TYW5: variants seen among roughly 807,000 people sequenced by gnomAD.
TYW5 encodes the protein tRNA-yW synthesizing protein 5, also known as tRNA wybutosine-synthesizing protein 5.
A neutral mutation model predicts 44.4 loss-of-function variants in TYW5; 36 were observed. The ratio of observed to expected loss-of-function variants is 0.81; its 90% CI spans 0.62 to 1.07. The LOEUF is 1.07. Ranked by LOEUF, TYW5 falls within the 50% of genes least tolerant of loss-of-function variation. TYW5 has a pLI of 0.00. For synonymous variants in TYW5, 121 were observed against 128.1 expected (o/e 0.94, Z 0.37); for missense variants, 354 against 365.7 (o/e 0.97, Z 0.26).
At chr2:199,938,104 G>A (rs1384868564) in intron 5 of TYW5, among the ~76,000 whole-genome samples, 5 of 149,978 alleles carry the variant, frequency 3.3e-5, no homozygotes, top group African/African-American at 4.9e-5. Flanking sequence ...TCGTTCTGTC[G>A]CCCAGGCTGG....
intron 7 of TYW5, among the ~76,000 whole-genome samples, chr2:199,934,323 T>TA (rs1328496124): frequency 6.6e-6 from 1 of 151,976 alleles, no homozygotes; most frequent in Non-Finnish European, 1.5e-5. Context: ...TGCTTTTGTT[T>TA]AAAAATATAT....
Position 199,929,431 on chromosome 2 carries a change from G to A in TYW5, c.*3636C>T, listed in dbSNP as rs570254271. On this transcript the variant is annotated 3_prime_UTR_variant, in exon 8 of 8. Coordinates refer to ENST00000354611, the MANE Select transcript of TYW5 (RefSeq NM_001039693.3). ...GAAACAAGACTAAGGTAACACCAGA[G>A]ATGTGTGGGTGACTGCCAATCTATG... 3.8e-4 allele frequency among the ~76,000 whole-genome samples: 58 copies of A among 152,176 alleles called. No individual in the cohort carries two copies. The highest frequency in any genetic ancestry group is 8.1e-4 in the Non-Finnish European group (55 of 67,986).
In TYW5 at chr2:199,948,364, C is replaced by T; in HGVS notation, c.187G>A (p.Ala63Thr). Residue 63 changes from alanine (A) to threonine (T), a missense_variant, in exon 2 of 8, where the codon GCT becomes ACT. Coordinates refer to ENST00000354611, the MANE Select transcript of TYW5 (RefSeq NM_001039693.3). ...GGKKEVKIHV[A>T]AVAQMDFISK... ...ATGAAGTCCATCTGTGCAACTGCAG[C>T]AACATGAATCTTTACTTCTTTCTTC... 6.2e-7 allele frequency: 1 copy of T among 1,614,146 alleles called. No individual in the cohort carries two copies. Among genetic ancestry groups the T allele is most frequent in the Non-Finnish European group, 8.5e-7 (1 of 1,180,016 alleles).
intron 1 of TYW5, among the ~76,000 whole-genome samples, chr2:199,949,906 T>C (rs148821676): frequency 7.2e-4 from 110 of 152,358 alleles, no homozygotes; most frequent in African/African-American, 2.5e-3. Context: ...ATAATTTTGA[T>C]ACCCAAATTA....
intron 1 of TYW5, among the ~76,000 whole-genome samples, chr2:199,954,815 G>A (rs2077581201): frequency 1.3e-5 from 2 of 152,202 alleles, no homozygotes; most frequent in African/African-American, 4.8e-5. Context: ...CTGACTTACT[G>A]TAATCCTGTG....
intron 7 of TYW5, among the ~76,000 whole-genome samples, chr2:199,935,105 AATAT>A (rs1371268661): frequency 6.6e-6 from 1 of 152,086 alleles, no homozygotes; most frequent in Non-Finnish European, 1.5e-5. Context: ...TCTTTTCCCA[AATAT>A]AAAGTGTCTT....
chr2:199,945,698 A>G (rs2077498914), intron 2 of TYW5: 1 of 152,184 alleles, frequency 6.6e-6, no homozygotes, highest in African/African-American at 2.4e-5. Context: ...TAGCTTTCTT[A>G]CCAGGAATAA....
In TYW5 at chr2:199,936,438, T is replaced by C; in HGVS notation, c.541A>G (p.Ser181Gly). The C allele has an allele frequency of 1.2e-6, 2 of 1,613,396 alleles. No individual in the cohort carries two copies. The highest frequency in any genetic ancestry group is 8.5e-7 in the Non-Finnish European group (1 of 1,179,726). Residue 181 changes from serine (S) to glycine (G), a missense_variant, in exon 6 of 8, where the codon AGT becomes GGT. Transcript: ENST00000354611. ...VTGKKRVVLF[S>G]PRDAQYLYLK... ...TATAAATACTGGGCATCTCGAGGACTGAAGAGTACAACACGCTTTTTTCCT... is the reference window on the plus strand; with the variant it reads ...TATAAATACTGGGCATCTCGAGGACCGAAGAGTACAACACGCTTTTTTCCT...
rs541717672 is a variant in TYW5 at position 199,931,463 on chromosome 2, A to G, written c.*1604T>C. The G allele has an allele frequency of 6.6e-6, 1 of 152,344 alleles. No individual in the cohort carries two copies. The highest frequency in any genetic ancestry group is 2.1e-4 in the South Asian group (1 of 4,830). The allele number at this position is 152,344 out of a possible 1,614,324, so 9.4% of individuals were successfully genotyped here. A position where few individuals can be genotyped will look rare whatever the true frequency, so the allele number is the denominator to read the frequency against. ...ATTTATTAAAAACTGACCATAAATA[A>G]TGTGTAAACTAAGGAGAGTTTTGTC... On this transcript the variant is annotated 3_prime_UTR_variant, in exon 8 of 8. Coordinates refer to ENST00000354611, the MANE Select transcript of TYW5 (RefSeq NM_001039693.3).
At chr2:199,949,199 TA>T (rs917128905) in intron 1 of TYW5, among the ~76,000 whole-genome samples, 6 of 147,878 alleles carry the variant, frequency 4.1e-5, no homozygotes, top group African/African-American at 5.0e-5. Context: ...TACTAAAAAT[TA>T]AAAAAAAAAT....
At chr2:199,940,550 G>A (rs1324379913) in intron 3 of TYW5, among the ~76,000 whole-genome samples, 2 of 151,704 alleles carry the variant, frequency 1.3e-5, no homozygotes, top group Admixed American at 1.3e-4. Flanking sequence ...GGCTGAGGCT[G>A]CAGTGAGCTA....
chr2:199,933,397 T>C (rs2077395743), intron 7 of TYW5, 74 bp from the exon 8 acceptor site: 17 of 1,298,724 alleles, frequency 1.3e-5, no homozygotes, highest in Non-Finnish European at 1.7e-5. Flanking sequence ...CAGTGAAATA[T>C]CACGAATTGC....
At position 199,935,873 on chromosome 2, in the gene TYW5, A is replaced by T. The variant is rs542871667; in HGVS notation, c.691+58T>A. The T allele has an allele frequency of 2.7e-5, 30 of 1,094,708 alleles. 1 individual carries two copies. Among genetic ancestry groups the T allele is most frequent in the Admixed American group, 2.7e-4 (13 of 48,314 alleles). 67.8% of individuals were successfully genotyped at this position (1,094,708 alleles called of 1,614,324 possible). A position where few individuals can be genotyped will look rare whatever the true frequency, so the allele number is the denominator to read the frequency against. ...CTAAAAAAAAAAAATCACATGAAGGATGAGTGACAGAGTACACATTTTATA... is the reference window on the plus strand; with the variant it reads ...CTAAAAAAAAAAAATCACATGAAGGTTGAGTGACAGAGTACACATTTTATA... On this transcript the variant is annotated intron_variant, in intron 7 of 7. Transcript: ENST00000354611.
intron 7 of TYW5, among the ~76,000 whole-genome samples, chr2:199,933,606 GC>G (rs1441435103): frequency 6.6e-6 from 1 of 152,038 alleles, no homozygotes; most frequent in African/African-American, 2.4e-5. Flanking sequence ...TATTTGTTTT[GC>G]AGTTCTCTAA....
At chr2:199,935,732 A>G (rs1332993844) in intron 7 of TYW5, among the ~76,000 whole-genome samples, 199 bp downstream of exon 7, 1 of 31,000 alleles carries the variant, frequency 3.2e-5, no homozygotes, top group Admixed American at 2.7e-4. Flanking sequence ...ACACACACAC[A>G]CACACACACA....
At chr2:199,939,164 C>CCATAG in intron 4 of TYW5, 94 bp from the exon 5 acceptor site, 1 of 1,143,284 alleles carries the variant, frequency 8.7e-7, no homozygotes, top group Non-Finnish European at 1.2e-6. Flanking sequence ...CTTTAAAATA[C>CCATAG]TATGATGTGA....
chr2:199,949,888 C>T (rs2077531809), intron 1 of TYW5, among the ~76,000 whole-genome samples: 1 of 152,124 alleles, frequency 6.6e-6, no homozygotes, highest in African/African-American at 2.4e-5. Context: ...CTAGTGGTAT[C>T]TAGTGGTATA....
chr2:199,950,036 C>T (rs2077533027), intron 1 of TYW5, among the ~76,000 whole-genome samples: 1 of 152,024 alleles, frequency 6.6e-6, no homozygotes, highest in Non-Finnish European at 1.5e-5. Context: ...TCTGCCCAGC[C>T]CTGTGATCAG....
At chr2:199,951,399 A>C (rs1171384270) in intron 1 of TYW5, among the ~76,000 whole-genome samples, 1 of 152,208 alleles carries the variant, frequency 6.6e-6, no homozygotes, top group Non-Finnish European at 1.5e-5. Context: ...ACTTAAACAG[A>C]TTCATGTGTT....
Sources: allele counts gnomAD v4.1 joint callset (sites outside exome capture counted in the v4.1 genomes callset), GRCh38; gene constraint gnomAD v4.1.1; transcripts MANE v1.5; gene names NCBI Gene and HGNC (gene_info 2026-07-23, HGNC 2026-07-21).